The following FBXL13 variants were observed in gnomAD, a reference collection of about 807,000 sequenced individuals.
FBXL13 encodes the protein F-box and leucine rich repeat protein 13.
A neutral mutation model predicts 83.6 loss-of-function variants in FBXL13; 67 were observed. The ratio of observed to expected loss-of-function variants is 0.80; its 90% CI spans 0.66 to 0.98. FBXL13 has a LOEUF of 0.98. FBXL13 is among the 50% of genes least tolerant of loss of function. The pLI, the probability that FBXL13 is intolerant of heterozygous loss-of-function variation, is 0.00. For synonymous variants in FBXL13, 272 were observed against 299.5 expected (o/e 0.91, Z 0.95); for missense variants, 822 against 866.5 (o/e 0.95, Z 0.64).
intron 6 of FBXL13, among the ~76,000 whole-genome samples, chr7:102,975,048 C>T (rs1234969457): frequency 6.6e-6 from 1 of 152,164 alleles, no homozygotes; most frequent in Admixed American, 6.5e-5. Flanking sequence ...CCCTCCTTCC[C>T]CCTTCAAACC....
intron 17 of FBXL13, among the ~76,000 whole-genome samples, chr7:102,845,428 A>G (rs1803763591): frequency 1.3e-5 from 2 of 152,178 alleles, no homozygotes; most frequent in Non-Finnish European, 2.9e-5. Flanking sequence ...CAAGATATAT[A>G]TATTTCCTAT....
chr7:103,065,676 G>C (rs1408862196), intron 1 of FBXL13, among the ~76,000 whole-genome samples: 3 of 152,228 alleles, frequency 2.0e-5, no homozygotes, highest in Non-Finnish European at 4.4e-5. Context: ...AGTACCCAAA[G>C]ATGAAATAAC....
chr7:102,963,770 C>G, intron 7 of FBXL13, 105 bp from the exon 9 acceptor site: 1 of 1,098,752 alleles, frequency 9.1e-7, no homozygotes, highest in Non-Finnish European at 1.3e-6. Context: ...TAAAGAGCTT[C>G]TGTACAGCAA....
intron 8 of FBXL13, among the ~76,000 whole-genome samples, chr7:102,943,432 C>T (rs1821853677): frequency 6.6e-6 from 1 of 151,312 alleles, no homozygotes. Flanking sequence ...CTTTGAGTAA[C>T]AATATATTTC....
chr7:103,003,576 C>A (rs1790663718), intron 6 of FBXL13, among the ~76,000 whole-genome samples: 2 of 150,402 alleles, frequency 1.3e-5, no homozygotes, highest in South Asian at 4.2e-4. Flanking sequence ...TGAGCCCTTG[C>A]ACCTGGCCAT....
In FBXL13 at chr7:102,903,383, T is replaced by G. The variant is rs142525245; in HGVS notation, c.1008+9703A>C. Among the ~76,000 whole-genome samples, 717 of 152,214 alleles carry G rather than the reference T, an allele frequency of 4.7e-3. 2 individuals carry two copies. The highest frequency in any genetic ancestry group is 0.016 in the African/African-American group (676 of 41,550). ...AACAAGGATAATTTGACTTCTTCCT[T>G]TTCAATTTGGATGCTCTTTATATCT... On this transcript the variant is annotated intron_variant, in intron 11 of 19. Coordinates refer to ENST00000313221, the Ensembl canonical transcript of FBXL13.
chr7:102,962,546 C>T lies in FBXL13; in HGVS notation c.724+987G>A, dbSNP rs145322509. On this transcript the variant is annotated intron_variant, in intron 8 of 19. Coordinates refer to ENST00000313221, the Ensembl canonical transcript of FBXL13. ...GACACATGCACGCATATGTTTATTGCGGCATTATTCACAAAGCAAAGACTT... is the reference window on the plus strand; with the variant it reads ...GACACATGCACGCATATGTTTATTGTGGCATTATTCACAAAGCAAAGACTT... Among the ~76,000 whole-genome samples the T allele has an allele frequency of 3.7e-3, 559 of 152,086 alleles. 6 individuals carry two copies. Among genetic ancestry groups the T allele is most frequent in the African/African-American group, 0.012 (492 of 41,460 alleles).
intron 7 of FBXL13, among the ~76,000 whole-genome samples, chr7:102,965,655 A>G (rs938781833): frequency 6.6e-6 from 1 of 152,202 alleles, no homozygotes; most frequent in African/African-American, 2.4e-5. Flanking sequence ...CCACAGTACT[A>G]TTTTTTAACC....
intron 18 of FBXL13, among the ~76,000 whole-genome samples, chr7:102,823,182 A>G (rs1365600654): frequency 1.3e-5 from 2 of 152,220 alleles, no homozygotes; most frequent in African/African-American, 4.8e-5. Context: ...TGTCACACCA[A>G]TATGAGCAAC....
At chr7:102,865,243 G>A (rs1033123476) in intron 16 of FBXL13, among the ~76,000 whole-genome samples, 2 of 152,122 alleles carry the variant, frequency 1.3e-5, no homozygotes, top group Non-Finnish European at 2.9e-5. Context: ...TTTGAATCAG[G>A]GTTTACATTT....
At chr7:102,881,001 T>G (rs1437788371) in intron 14 of FBXL13, among the ~76,000 whole-genome samples, 1 of 152,318 alleles carries the variant, frequency 6.6e-6, no homozygotes, top group South Asian at 2.1e-4. Context: ...TAGAAAAGAA[T>G]GAGGGGATTC....
chr7:103,028,161 C>T (rs1300151159), intron 4 of FBXL13, among the ~76,000 whole-genome samples: 2 of 152,176 alleles, frequency 1.3e-5, no homozygotes, highest in Non-Finnish European at 2.9e-5. Flanking sequence ...CTCCCACCCA[C>T]TCAGTATAAC....
intron 8 of FBXL13, among the ~76,000 whole-genome samples, chr7:102,952,707 G>A (rs1823600440): frequency 6.6e-6 from 1 of 152,160 alleles, no homozygotes; most frequent in Non-Finnish European, 1.5e-5. Flanking sequence ...AACAAGGCCA[G>A]GCACCATGGC....
At chr7:102,813,283 C>T in exon 20 of FBXL13, 9 of 1,486,036 alleles carry the variant, frequency 6.1e-6, no homozygotes, top group Non-Finnish European at 7.3e-6. Flanking sequence ...ATACTTGCAA[C>T]AAATGGAGAA....
chr7:103,069,903 C>A (rs1246626954), intron 1 of FBXL13, among the ~76,000 whole-genome samples: 2 of 151,888 alleles, frequency 1.3e-5, no homozygotes, highest in African/African-American at 2.4e-5. Context: ...ACGGTGAAAC[C>A]CCGTCTCTAC....
chr7:102,899,505 C>T lies in FBXL13; in HGVS notation c.1008+13581G>A, dbSNP rs754585203. ...AAGAGAACCACAAAGTGGCCTAGAC[C>T]TATACGCTCCAGGCCCTGCAAACTC... On this transcript the variant is annotated intron_variant, in intron 11 of 19. Transcript: ENST00000313221. Among the ~76,000 whole-genome samples the T allele has an allele frequency of 7.5e-4, 114 of 152,204 alleles. 1 individual carries two copies. The highest frequency in any genetic ancestry group is 4.1e-4 in the South Asian group (2 of 4,832).
chr7:103,019,997 GAA>G (rs1280111886), intron 6 of FBXL13, among the ~76,000 whole-genome samples: 1 of 152,096 alleles, frequency 6.6e-6, no homozygotes, highest in Non-Finnish European at 1.5e-5. Flanking sequence ...ATCCTGATAC[GAA>G]AGCCTGGCAG....
At chr7:102,936,156 G>A (rs1820271765) in intron 8 of FBXL13, 2 of 151,804 alleles carry the variant, frequency 1.3e-5, no homozygotes, top group Non-Finnish European at 2.9e-5. Context: ...CAGTGCCATA[G>A]GAAAGCAGTT....
chr7:102,842,147 G>A (rs879490169), intron 17 of FBXL13, among the ~76,000 whole-genome samples: 4 of 152,164 alleles, frequency 2.6e-5, no homozygotes, highest in South Asian at 4.1e-4. Flanking sequence ...ATGTCCGGAC[G>A]TTCCACCTCC....
Sources: allele counts gnomAD v4.1 joint callset (sites outside exome capture counted in the v4.1 genomes callset), GRCh38; gene constraint gnomAD v4.1.1; transcripts MANE v1.5; gene names NCBI Gene and HGNC (gene_info 2026-07-23, HGNC 2026-07-21).